The following ABTB2 variants were observed in gnomAD, a reference collection of about 807,000 sequenced individuals.
ABTB2 encodes ankyrin repeat and BTB domain containing 2, also known as ankyrin repeat and BTB/POZ domain-containing protein 2.
ABTB2 carries 56 observed loss-of-function variants against 104.1 expected under a neutral mutation model. The ratio of observed to expected loss-of-function variants is 0.54; its 90% confidence interval spans 0.43 to 0.67. The LOEUF (loss-of-function observed/expected upper bound fraction) is 0.67, where lower values mean the gene tolerates loss of function less well. Ranked by LOEUF, ABTB2 falls within the 30% of genes least tolerant of loss-of-function variation. The pLI, the probability that ABTB2 is intolerant of heterozygous loss-of-function variation, is 0.00. For missense variants in ABTB2, 1,279 were observed against 1,407.7 expected, an observed-to-expected ratio of 0.91 and a Z score of 1.46; for synonymous variants, 606 against 608.2, an observed-to-expected ratio of 1.00 and a Z score of 0.05.
At chr11:34,258,108 C>T (rs575256609) in intron 1 of ABTB2, among the ~76,000 whole-genome samples, 128 of 152,174 alleles carry the variant, frequency 8.4e-4, no homozygotes, top group African/African-American at 1.9e-3. Flanking sequence ...TGTCAGGACC[C>T]GCCTCAATAA....
intron 1 of ABTB2, among the ~76,000 whole-genome samples, chr11:34,214,490 T>A (rs1030123388): frequency 7.2e-5 from 11 of 151,772 alleles, no homozygotes; most frequent in African/African-American, 2.7e-4. Flanking sequence ...TATCTGAAAT[T>A]AAATTTTTAG....
intron 1 of ABTB2, among the ~76,000 whole-genome samples, chr11:34,226,278 G>A (rs1853686170): frequency 6.7e-6 from 1 of 150,320 alleles, no homozygotes; most frequent in Non-Finnish European, 1.5e-5. Flanking sequence ...ATTGGGAATA[G>A]CTTGGCAGGA....
At chr11:34,269,149 T>G (rs1234263229) in intron 1 of ABTB2, among the ~76,000 whole-genome samples, 2 of 152,168 alleles carry the variant, frequency 1.3e-5, no homozygotes, top group Non-Finnish European at 2.9e-5. Flanking sequence ...ATGCCCACTG[T>G]GACAGGAACA....
intron 1 of ABTB2, among the ~76,000 whole-genome samples, chr11:34,299,494 G>A (rs1004548586): frequency 1.3e-5 from 2 of 152,194 alleles, no homozygotes; most frequent in African/African-American, 4.8e-5. Context: ...AAACAATGAA[G>A]GCAGTTGTTT....
chr11:34,172,399 T>A lies in ABTB2; in HGVS notation c.1397+756A>T, dbSNP rs10768050. Among the ~76,000 whole-genome samples the A allele has an allele frequency of 6.2e-3, 435 of 70,388 alleles. 29 individuals are homozygous for A. The highest frequency in any genetic ancestry group is 0.023 in the African/African-American group (393 of 17,072). 46.2% of individuals were successfully genotyped at this position (70,388 alleles called of 152,430 possible). ...AAAAAAAAAAAAAAAAAAAAAAATA[T>A]ATATATATATATATATATATGTGTG... On this transcript the variant is annotated intron_variant, in intron 4 of 16. Coordinates refer to ENST00000435224, the MANE Select transcript of ABTB2 (RefSeq NM_145804.3).
intron 4 of ABTB2, 38 bp from the exon 5 acceptor site, chr11:34,171,109 G>A: frequency 6.3e-7 from 1 of 1,598,568 alleles, no homozygotes; most frequent in South Asian, 1.1e-5. Context: ...GTGACTGTAT[G>A]CAGACAGCAA....
At position 34,356,756 on chromosome 11, in the gene ABTB2, C is replaced by T. The variant is rs1312764052; in HGVS notation, c.828G>A (p.Glu276=). ...ALEMVINNDA[E]LWGVLQPYEH... is the part of the protein sequence containing the mutation. ...CATAGGGCTGCAAGACGCCCCAGAG[C>T]TCGGCGTCGTTGTTGATGACCATCT... Residue 276 remains glutamate, a synonymous_variant, in exon 1 of 17, where the codon GAG becomes GAA. Coordinates refer to ENST00000435224, the MANE Select transcript of ABTB2 (RefSeq NM_145804.3). This position sits in a 1 kb window ranked among gnomAD's most constrained non-coding sequence, Gnocchi z 4.6. The T allele has an allele frequency of 6.2e-7, 1 of 1,611,662 alleles. No homozygotes were observed. The highest frequency in any genetic ancestry group is 8.5e-7 in the Non-Finnish European group (1 of 1,178,954).
At chr11:34,301,792 T>C (rs1263710576) in intron 1 of ABTB2, among the ~76,000 whole-genome samples, 1 of 152,226 alleles carries the variant, frequency 6.6e-6, no homozygotes, top group Admixed American at 6.5e-5. Context: ...GAGACCAGCC[T>C]GGGCAATTAT....
chr11:34,168,239 G>A lies in ABTB2; in HGVS notation c.1564-247C>T, dbSNP rs148411376. On this transcript the variant is annotated intron_variant, in intron 5 of 16. Transcript: ENST00000435224. ...CAGCACAGGCCGTGCAGCCAGGCTC[G>A]GTGCCAAGGTCTCCTCTGCCATGGG... is the stretch of plus-strand genomic sequence containing the variant. Among the ~76,000 whole-genome samples, 23 of 152,324 alleles carry A rather than the reference G, an allele frequency of 1.5e-4. 1 individual carries two copies. In the East Asian group the frequency reaches 4.4e-3, roughly 29 times the overall value.
chr11:34,239,744 G>A (rs750911949), intron 1 of ABTB2, among the ~76,000 whole-genome samples: 2 of 152,182 alleles, frequency 1.3e-5, no homozygotes. Flanking sequence ...ACAGTACGAG[G>A]TAAGCCCTTT....
chr11:34,167,318 T>C lies in ABTB2; in HGVS notation c.1696A>G (p.Ser566Gly). ...SPRHPSIHPDSRHWTSLTFAV... is the reference protein window; with the variant it reads ...SPRHPSIHPDGRHWTSLTFAV... ...AATGTCAGTGAGGTCCAGTGCCGGC[T>C]GTCGGGGTGGATGGAAGGGTGCCTG... Residue 566 changes from serine to glycine, a missense_variant, in exon 7 of 17, where the codon AGC (serine) becomes GGC (glycine). Ser to Gly is a moderately conservative substitution (Grantham distance 56). Coordinates refer to ENST00000435224, the MANE Select transcript of ABTB2 (RefSeq NM_145804.3). 1 of 1,613,530 alleles carries C rather than the reference T, an allele frequency of 6.2e-7. No homozygotes were observed.
intron 1 of ABTB2, among the ~76,000 whole-genome samples, chr11:34,271,144 C>A (rs777428538): frequency 6.6e-6 from 1 of 152,150 alleles, no homozygotes; most frequent in African/African-American, 2.4e-5. Context: ...AGATGATGAA[C>A]ACTGAATTAT....
chr11:34,217,088 G>A (rs112860272), intron 1 of ABTB2, among the ~76,000 whole-genome samples: 3 of 152,188 alleles, frequency 2.0e-5, no homozygotes, highest in Non-Finnish European at 4.4e-5. Context: ...CTAGTAGTAC[G>A]GAACTGCCTC....
intron 1 of ABTB2, among the ~76,000 whole-genome samples, chr11:34,321,789 G>A (rs1409207126): frequency 2.0e-5 from 3 of 152,182 alleles, no homozygotes; most frequent in Non-Finnish European, 4.4e-5. Context: ...CCAAACCAAG[G>A]GAAAAGAAAC....
rs1432686290 is a variant in ABTB2 at position 34,336,064 on chromosome 11, C to T, written c.883+20637G>A. On this transcript the variant is annotated intron_variant, in intron 1 of 16. Transcript: ENST00000435224. ...TTTGGTAAAGTTATTCCAGTCACCA[C>T]CACTGTCTCCAGCTGTCCCAGAACC... 7.9e-6 allele frequency: 3 copies of T among 377,852 alleles called. No homozygotes were observed. The East Asian group carries it at 1.5e-4, about 19-fold the overall frequency. The allele number at this position is 377,852 out of a possible 1,614,324, so 23.4% of individuals were successfully genotyped here.
chr11:34,257,867 G>A (rs1854142608), intron 1 of ABTB2, among the ~76,000 whole-genome samples: 1 of 152,106 alleles, frequency 6.6e-6, no homozygotes, highest in Admixed American at 6.5e-5. Context: ...CCAAAGTATA[G>A]GGATTACAGG....
At chr11:34,210,213 C>T (rs536510658) in intron 1 of ABTB2, among the ~76,000 whole-genome samples, 74 of 152,268 alleles carry the variant, frequency 4.9e-4, no homozygotes, top group African/African-American at 1.7e-3. Flanking sequence ...TCTCTGTAAA[C>T]CACGGGGGTG....
intron 1 of ABTB2, among the ~76,000 whole-genome samples, chr11:34,256,702 C>T (rs1413507619): frequency 6.6e-6 from 1 of 152,168 alleles, no homozygotes; most frequent in African/African-American, 2.4e-5. Context: ...GGCAAAATCA[C>T]CAATGACTTT....
intron 1 of ABTB2, among the ~76,000 whole-genome samples, chr11:34,262,920 G>C (rs1854206326): frequency 1.3e-5 from 2 of 152,126 alleles, no homozygotes; most frequent in African/African-American, 4.8e-5. Context: ...AAAGGAGAAG[G>C]ACCCGGCAAA....
Sources: gnomAD v4.1 joint callset for allele counts (sites outside exome capture counted in the v4.1 genomes callset) on GRCh38, gnomAD v4.1.1 for gene constraint, Gnocchi (gnomAD v3.1) non-coding constraint, MANE v1.5 for transcripts, NCBI Gene and HGNC (gene_info 2026-07-23, HGNC 2026-07-21) for gene names.